ATCAY: variants seen among roughly 807,000 people sequenced by gnomAD.
ATCAY encodes caytaxin.
ATCAY carries 22 observed loss-of-function variants against 47.7 expected under a neutral mutation model. The ratio of observed to expected loss-of-function variants is 0.46; its 90% CI spans 0.33 to 0.66. ATCAY has a LOEUF of 0.66. Among genes scored for constraint, ATCAY ranks in the 30% least tolerant of loss-of-function variants. The pLI is 0.02. For missense variants in ATCAY, 452 were observed against 515.0 expected (o/e 0.88, Z 1.18); for synonymous variants, 216 against 207.6 (o/e 1.04, Z -0.35).
chr19:3,906,690 A>G (rs73537496), intron 4 of ATCAY, among the ~76,000 whole-genome samples: 17,802 of 152,070 alleles, frequency 0.12, 1,376 homozygotes, highest in East Asian at 0.24. Context: ...AAAGGCGACC[A>G]AGATCCCAAC....
chr19:3,917,611 GGAA>G (rs371877491), intron 9 of ATCAY, 128 bp from the exon 10 acceptor site: 54 of 481,754 alleles, frequency 1.1e-4, no homozygotes, highest in South Asian at 1.8e-4. Context: ...AAAAAAAAAA[GGAA>G]GAAGAAGAAG....
chr19:3,917,822 G>T (rs1349329100), intron 10 of ATCAY, 45 bp downstream of exon 10: 1 of 1,598,194 alleles, frequency 6.3e-7, no homozygotes, highest in Non-Finnish European at 8.5e-7. Flanking sequence ...GGGGCAGCGG[G>T]GGGCTGAGCT....
rs1006339048 is a variant in ATCAY, at chr19:3,914,594, G to A, written c.965+738G>A. Among the ~76,000 whole-genome samples, 3 of 152,020 alleles carry A rather than the reference G, an allele frequency of 2.0e-5. No homozygotes were observed. The South Asian group carries it at 6.2e-4, about 32-fold the overall frequency. On this transcript the variant is annotated intron_variant, in intron 9 of 12. Transcript: ENST00000450849. The stretch of plus-strand genomic sequence containing the variant: ...CCAGCATTTTGAGAGGCTGAGACAG[G>A]CAGATCACTTGAGGTCAGGAGTTCG...
chr19:3,885,779 C>A lies in ATCAY; in HGVS notation c.12C>A (p.Thr4=). The change falls in exon 2 of 13, where the codon ACC becomes ACA. Residue 4 remains threonine, a synonymous_variant. Coordinates refer to ENST00000450849, the MANE Select transcript of ATCAY (RefSeq NM_033064.5). The part of the protein sequence containing the change: MGT[T]EATLRMENVD... Reference sequence around the variant, plus strand: ...TCTTCCCAGCTCCCATGGGGACCACCGAAGCCACGCTCCGGATGGAAAACG... The same window carrying A: ...TCTTCCCAGCTCCCATGGGGACCACAGAAGCCACGCTCCGGATGGAAAACG... 1 of 1,551,406 alleles carries A rather than the reference C, an allele frequency of 6.4e-7. No homozygotes were observed. Among genetic ancestry groups the A allele is most frequent in the African/African-American group, 1.4e-5 (1 of 73,108 alleles).
intron 12 of ATCAY, chr19:3,922,366 T>C: frequency 1.6e-6 from 1 of 618,840 alleles, no homozygotes; most frequent in South Asian, 1.9e-5. Flanking sequence ...GGAAGCCACC[T>C]CTTCACCAGG....
Position 3,905,617 on chromosome 19 carries a change from T to A in ATCAY, c.320T>A (p.Leu107Gln). 6.2e-7 allele frequency: 1 copy of A among 1,613,580 alleles called. No individual in the cohort carries two copies. The highest frequency in any genetic ancestry group is 8.5e-7 in the Non-Finnish European group (1 of 1,179,794). Residue 107 changes from leucine (L) to glutamine (Q), a missense_variant, in exon 4 of 13, where the codon CTG becomes CAG. Transcript: ENST00000450849. ...DIETPDETDS[L>Q]EFLGNGNELE... ...GAGACCCCCGATGAGACCGACTCGC[T>A]GGAGTTCCTGGGGAATGGCAACGAA...
chr19:3,907,693 G>A lies in ATCAY; in HGVS notation c.359-41G>A, dbSNP rs776500972. 35 of 1,609,364 alleles carry A rather than the reference G, an allele frequency of 2.2e-5. No individual in the cohort carries two copies. The highest frequency in any genetic ancestry group is 3.6e-4 in the Middle Eastern group (2 of 5,514). Reference sequence around the variant, plus strand: ...CTGAGCAGGAGGGCAGGAGATATCCGGACTCTGGCGTCCATGCGACTCTCC... The same window carrying A: ...CTGAGCAGGAGGGCAGGAGATATCCAGACTCTGGCGTCCATGCGACTCTCC... On this transcript the variant is annotated intron_variant, in intron 4 of 12. Coordinates refer to ENST00000450849, the MANE Select transcript of ATCAY (RefSeq NM_033064.5). The surrounding 1 kb of genome is among the most constrained non-coding windows in gnomAD (Gnocchi z 5.1).
rs2038941848 is a variant in ATCAY at position 3,913,746 on chromosome 19, TC to T, written c.867-6del. On this transcript the variant is annotated splice_polypyrimidine_tract_variant and intron_variant, in intron 8 of 12. Coordinates refer to ENST00000450849, the MANE Select transcript of ATCAY (RefSeq NM_033064.5). ...TGCATTTCAGACCTCTCCCTCCTTCTCCCCCCGCCAGCGTCAAGTTCATCAA... is the reference window on the plus strand; with the variant it reads ...TGCATTTCAGACCTCTCCCTCCTTCTCCCCCGCCAGCGTCAAGTTCATCAA... 6.2e-7 allele frequency: 1 copy of T among 1,610,762 alleles called. No homozygotes were observed. The highest frequency in any genetic ancestry group is 1.7e-5 in the Admixed American group (1 of 59,646).
intron 6 of ATCAY, 50 bp from the exon 7 acceptor site, chr19:3,909,436 A>C: frequency 6.3e-7 from 1 of 1,591,758 alleles, no homozygotes; most frequent in Non-Finnish European, 8.6e-7. Context: ...AGGTGTCCTG[A>C]CCCTGGACCC....
At chr19:3,889,764 T>C (rs1355007268) in intron 2 of ATCAY, among the ~76,000 whole-genome samples, 1 of 152,108 alleles carries the variant, frequency 6.6e-6, no homozygotes, top group African/African-American at 2.4e-5. Flanking sequence ...TGTTTTCTGA[T>C]CTGTAAAATA....
chr19:3,900,726 G>A (rs10421499), intron 2 of ATCAY, among the ~76,000 whole-genome samples: 18,048 of 151,330 alleles, frequency 0.12, 2,317 homozygotes, highest in African/African-American at 0.32. Flanking sequence ...AGTAGAGATG[G>A]CGTTTCACCA....
chr19:3,907,819 C>A lies in ATCAY; in HGVS notation c.444C>A (p.Ala148=), dbSNP rs760388554. The A allele has an allele frequency of 1.2e-6, 2 of 1,613,954 alleles. No individual in the cohort carries two copies. The highest frequency in any genetic ancestry group is 8.5e-7 in the Non-Finnish European group (1 of 1,179,856). Residue 148 remains alanine, a synonymous_variant, in exon 5 of 13, where the codon GCC becomes GCA. Coordinates refer to ENST00000450849, the MANE Select transcript of ATCAY (RefSeq NM_033064.5). This position sits in a 1 kb window ranked among gnomAD's most constrained non-coding sequence, Gnocchi z 5.1. ...FGDGTTEDGS[A]ANGRLWRTVI... ...ACGGCACGACGGAGGACGGCAGCGC[C>A]GCCAACGGGCGCCTGTGGCGGACAG...
At chr19:3,923,357 G>A (rs2039036117) in intron 12 of ATCAY, among the ~76,000 whole-genome samples, 1 of 152,156 alleles carries the variant, frequency 6.6e-6, no homozygotes. Context: ...GATATAATAA[G>A]CATGTTTTAA....
chr19:3,908,094 G>A (rs2038881486), intron 5 of ATCAY, among the ~76,000 whole-genome samples, 174 bp from the exon 6 acceptor site: 1 of 152,206 alleles, frequency 6.6e-6, no homozygotes, highest in Non-Finnish European at 1.5e-5. Context: ...GGCCCCTGAT[G>A]GTCGCTGTCA....
chr19:3,920,685 T>G, intron 11 of ATCAY, 81 bp from the exon 12 acceptor site: 1 of 1,226,438 alleles, frequency 8.2e-7, no homozygotes, highest in South Asian at 1.9e-5. Context: ...AAAAATAAAA[T>G]AAGTTAAAGA....
chr19:3,886,453 T>TG (rs1216325653), intron 2 of ATCAY, among the ~76,000 whole-genome samples: 38 of 151,934 alleles, frequency 2.5e-4, no homozygotes, highest in African/African-American at 8.7e-4. Context: ...TAGCCGGGTG[T>TG]GTGGCAGGCG....
chr19:3,918,233 A>G (rs1284682134), intron 10 of ATCAY, among the ~76,000 whole-genome samples: 2 of 151,932 alleles, frequency 1.3e-5, no homozygotes, highest in Admixed American at 1.3e-4. Context: ...AAAAATACAA[A>G]AATTAGCCAG....
chr19:3,899,089 C>T (rs1367744273), intron 2 of ATCAY, among the ~76,000 whole-genome samples: 1 of 152,108 alleles, frequency 6.6e-6, no homozygotes, highest in East Asian at 1.9e-4. Context: ...GAATCCGCTC[C>T]ATTTTGATCT....
Position 3,905,441 on chromosome 19 carries a change from C to A in ATCAY, c.144C>A (p.Pro48=), listed in dbSNP as rs764109827. 2.1e-5 allele frequency: 34 copies of A among 1,607,326 alleles called. No individual in the cohort carries two copies. In the South Asian group the frequency reaches 3.5e-4, roughly 17 times the overall value. ...TTTCTCATTTCCCTGCAGCTCCTCC[C>A]AACACGCTAAATTTCAACGGAGCGC... ...GSPVEDTSSP[P]NTLNFNGAHR... is the part of the protein sequence containing the mutation. The change falls in exon 4 of 13, where the codon CCC becomes CCA. Residue 48 remains proline, a synonymous_variant. Transcript: ENST00000450849.
Sources: gnomAD v4.1 joint callset for allele counts (sites outside exome capture counted in the v4.1 genomes callset) on GRCh38, gnomAD v4.1.1 for gene constraint, Gnocchi (gnomAD v3.1) non-coding constraint, MANE v1.5 for transcripts, NCBI Gene and HGNC (gene_info 2026-07-23, HGNC 2026-07-21) for gene names.